XPO6: variants seen among roughly 807,000 people sequenced by gnomAD.
The protein encoded by XPO6 is exportin-6.
Under a neutral mutation model 130.0 loss-of-function variants are expected in XPO6, and 3 were observed. The observed-to-expected ratio is 0.02, with a 90% CI of 0.01 to 0.06. XPO6 has a LOEUF of 0.06. Among genes scored for constraint, XPO6 ranks in the 10% least tolerant of loss-of-function variants. The pLI is 1.00. For missense variants in XPO6, 970 were observed against 1,393.0 expected (o/e 0.70, Z 4.83); for synonymous variants, 524 against 548.9 (o/e 0.95, Z 0.63).
intron 18 of XPO6, among the ~76,000 whole-genome samples, chr16:28,107,229 T>A (rs146276400): frequency 6.6e-5 from 10 of 152,308 alleles, no homozygotes; most frequent in African/African-American, 2.2e-4. Flanking sequence ...AGGGGAACGA[T>A]CTCGGCAAAT....
chr16:28,169,966 A>G, intron 4 of XPO6, 57 bp from the exon 5 acceptor site: 1 of 1,591,128 alleles, frequency 6.3e-7, no homozygotes, highest in Non-Finnish European at 8.6e-7. Context: ...TACAAAGAGG[A>G]CTCAGTAGCA....
intron 7 of XPO6, chr16:28,153,106 G>A (rs1306274550): frequency 1.6e-5 from 17 of 1,042,406 alleles, no homozygotes; most frequent in Non-Finnish European, 1.8e-5. Context: ...TTGATGGGCA[G>A]ATCACTGTGT....
At chr16:28,209,594 T>G (rs1343334177) in intron 1 of XPO6, among the ~76,000 whole-genome samples, 1 of 141,010 alleles carries the variant, frequency 7.1e-6, no homozygotes, top group Non-Finnish European at 1.5e-5. Context: ...GAGCTGAGAC[T>G]GCACCACTGC....
chr16:28,149,704 T>C (rs1366101756), intron 8 of XPO6, among the ~76,000 whole-genome samples: 2 of 152,172 alleles, frequency 1.3e-5, no homozygotes, highest in Non-Finnish European at 2.9e-5. Context: ...CTTGCGTAAG[T>C]GCACTCTATG....
At chr16:28,123,215 G>A (rs369357806) in intron 13 of XPO6, among the ~76,000 whole-genome samples, 3 of 152,096 alleles carry the variant, frequency 2.0e-5, no homozygotes, top group East Asian at 3.9e-4. Context: ...TGATCCTCCC[G>A]CCTCAGCGCC....
chr16:28,202,278 A>G (rs895788142), intron 1 of XPO6, among the ~76,000 whole-genome samples: 5 of 152,228 alleles, frequency 3.3e-5, no homozygotes, highest in Non-Finnish European at 7.3e-5. Flanking sequence ...TTCAGGGCCC[A>G]TGTTACTCTA....
intron 6 of XPO6, among the ~76,000 whole-genome samples, chr16:28,157,945 G>A (rs78757371): frequency 0.022 from 3,400 of 152,324 alleles, 109 homozygotes; most frequent in African/African-American, 0.076. Context: ...AGGGACAGGC[G>A]TGAGGGGGAG....
chr16:28,179,696 C>G (rs2043586170), intron 2 of XPO6, among the ~76,000 whole-genome samples: 1 of 152,200 alleles, frequency 6.6e-6, no homozygotes, highest in African/African-American at 2.4e-5. Context: ...CTTCCTTTCT[C>G]TGACCAAACT....
At chr16:28,207,375 CAA>C (rs1226684574) in intron 1 of XPO6, among the ~76,000 whole-genome samples, 3 of 152,106 alleles carry the variant, frequency 2.0e-5, no homozygotes, top group African/African-American at 4.8e-5. Context: ...TCATATTAAG[CAA>C]CAGCTCGCTC....
intron 1 of XPO6, among the ~76,000 whole-genome samples, chr16:28,202,438 G>A (rs912087713): frequency 2.6e-5 from 4 of 152,098 alleles, no homozygotes; most frequent in Admixed American, 6.6e-5. Flanking sequence ...AGAGAGGACC[G>A]GTCATGACAG....
At chr16:28,147,924 C>A (rs1462336826) in intron 8 of XPO6, among the ~76,000 whole-genome samples, 1 of 152,106 alleles carries the variant, frequency 6.6e-6, no homozygotes, top group Non-Finnish European at 1.5e-5. Context: ...CCAGCCTGGA[C>A]AACAGAGCAA....
Position 28,166,493 on chromosome 16 carries a change from G to T in XPO6, c.643+15C>A. Reference sequence around the variant, plus strand: ...TTTAAAAAGAAGAATGCCTTGGCTGGCAGGCAGACCATACCACTTTCTCCT... The same window carrying T: ...TTTAAAAAGAAGAATGCCTTGGCTGTCAGGCAGACCATACCACTTTCTCCT... On this transcript the variant is annotated intron_variant, in intron 6 of 23. Transcript: ENST00000304658. 1 of 1,574,324 alleles carries T rather than the reference G, an allele frequency of 6.4e-7. No individual in the cohort carries two copies. Among genetic ancestry groups the T allele is most frequent in the Non-Finnish European group, 8.6e-7 (1 of 1,158,078 alleles).
intron 1 of XPO6, among the ~76,000 whole-genome samples, chr16:28,206,901 A>T (rs1243437392): frequency 6.6e-6 from 1 of 152,118 alleles, no homozygotes; most frequent in Admixed American, 6.6e-5. Flanking sequence ...GAGTGGCTAA[A>T]TTTCAGTTCT....
rs940804177 is a variant in XPO6 at position 28,211,561 on chromosome 16, C to G, written c.-193G>C. ...CGCCCGGGTCGCCTCATCGGGGGAC[C>G]CCGAGACAATTCATCCAGACCCACC... On this transcript the variant is annotated 5_prime_UTR_variant, in exon 1 of 24. Transcript: ENST00000304658. 1 of 473,692 alleles carries G rather than the reference C, an allele frequency of 2.1e-6. No homozygotes were observed. The highest frequency in any genetic ancestry group is 2.0e-5 in the African/African-American group (1 of 49,780). 29.3% of individuals were successfully genotyped at this position (473,692 alleles called of 1,614,324 possible). A position where few individuals can be genotyped will look rare whatever the true frequency, so the allele number is the denominator to read the frequency against.
intron 1 of XPO6, among the ~76,000 whole-genome samples, chr16:28,202,955 C>A (rs897228731): frequency 3.9e-5 from 6 of 152,166 alleles, no homozygotes; most frequent in Admixed American, 3.9e-4. Context: ...ACAGATGTTA[C>A]ACATAATCTT....
chr16:28,165,520 A>C (rs1317259490), intron 6 of XPO6: 2 of 152,214 alleles, frequency 1.3e-5, no homozygotes, highest in Non-Finnish European at 2.9e-5. Flanking sequence ...TTTTAATCCA[A>C]GTAAGATAAT....
rs1201267346 is a variant in XPO6 at position 28,101,672 on chromosome 16, G to A, written c.3062C>T (p.Ala1021Val). 1.2e-6 allele frequency: 2 copies of A among 1,608,524 alleles called. No individual in the cohort carries two copies. The highest frequency in any genetic ancestry group is 1.7e-6 in the Non-Finnish European group (2 of 1,175,280). The part of the protein sequence containing the change: ...KLYHKKIFRT[A>V]MLFQFVNVLL... Reference sequence around the variant, plus strand: ...CACGTTCACAAACTGGAACAGCATGGCAGTCCGGAAGATCTTCTGCAGGCA... The same window carrying A: ...CACGTTCACAAACTGGAACAGCATGACAGTCCGGAAGATCTTCTGCAGGCA... The change falls in exon 23 of 24, where the codon GCC (alanine) becomes GTC (valine). Residue 1021 changes from alanine to valine, a missense_variant. Physicochemically the swap from Ala to Val is moderately conservative, Grantham distance 64. Around this residue, in one of 4 missense-constraint regions of XPO6, gnomAD observed 936 missense variants for 1,306.8 expected, o/e 0.72. Transcript: ENST00000304658. The surrounding 1 kb of genome is among the most constrained non-coding windows in gnomAD (Gnocchi z 5.4).
intron 12 of XPO6, among the ~76,000 whole-genome samples, chr16:28,128,473 G>C (rs528013143): frequency 3.3e-5 from 5 of 152,216 alleles, no homozygotes; most frequent in African/African-American, 1.2e-4. Flanking sequence ...CTTCTCTATA[G>C]TATCCAATTC....
chr16:28,130,673 T>G (rs982125038), intron 12 of XPO6, among the ~76,000 whole-genome samples: 2 of 152,158 alleles, frequency 1.3e-5, no homozygotes, highest in African/African-American at 4.8e-5. Context: ...TTATAAATGA[T>G]CCGGACGAGC....
Sources: allele counts gnomAD v4.1 joint callset (sites outside exome capture counted in the v4.1 genomes callset), GRCh38; gene constraint gnomAD v4.1.1; regional missense constraint gnomAD v4.1.1; non-coding constraint Gnocchi (gnomAD v3.1); transcripts MANE v1.5; gene names NCBI Gene and HGNC (gene_info 2026-07-23, HGNC 2026-07-21).